Variants in PARD3 observed in about 807,000 individuals in gnomAD.
PARD3 encodes the protein partitioning defective 3 homolog.
PARD3 carries 75 observed loss-of-function variants against 155.4 expected under a neutral mutation model. The observed-to-expected ratio is 0.48, with a 90% CI of 0.40 to 0.58. The LOEUF is 0.58. PARD3 is among the 20% of genes least tolerant of loss of function. The pLI is 0.00. For missense variants in PARD3, 1,642 were observed against 1,721.7 expected, an observed-to-expected ratio of 0.95 and a Z score of 0.82; for synonymous variants, 576 against 610.5, an observed-to-expected ratio of 0.94 and a Z score of 0.83.
chr10:34,119,559 G>T lies in PARD3; in HGVS notation c.3668+54C>A, dbSNP rs996492980. On this transcript the variant is annotated intron_variant, in intron 24 of 24. Transcript: ENST00000374788. ...GGGAAGGAGCGCGTTCCTAAAGGGC[G>T]GGGGATCTTAAAGGGCCGGGGGGAT... is the stretch of plus-strand genomic sequence containing the variant. 3.9e-6 allele frequency: 6 copies of T among 1,529,074 alleles called. No homozygotes were observed. In the African/African-American group the frequency reaches 8.2e-5, roughly 21 times the overall value. 94.7% of individuals were successfully genotyped at this position (1,529,074 alleles called of 1,614,324 possible).
intron 22 of PARD3, among the ~76,000 whole-genome samples, chr10:34,220,705 G>C (rs1377108125): frequency 6.6e-6 from 1 of 152,192 alleles, no homozygotes; most frequent in Non-Finnish European, 1.5e-5. Context: ...TTAGGTCCTA[G>C]TTGGGAAGAT....
intron 22 of PARD3, among the ~76,000 whole-genome samples, chr10:34,152,357 C>G (rs1196471172): frequency 1.3e-5 from 2 of 152,206 alleles, no homozygotes; most frequent in Non-Finnish European, 2.9e-5. Flanking sequence ...TACTACCCAG[C>G]TAGGCTGTAT....
At chr10:34,529,980 C>T (rs1030257851) in intron 2 of PARD3, among the ~76,000 whole-genome samples, 1 of 152,162 alleles carries the variant, frequency 6.6e-6, no homozygotes, top group African/African-American at 2.4e-5. Context: ...AGTGATCCTC[C>T]TGCCTCAGCC....
intron 23 of PARD3, among the ~76,000 whole-genome samples, chr10:34,129,201 G>A (rs1947457000): frequency 6.6e-6 from 1 of 152,092 alleles, no homozygotes. Flanking sequence ...CGTCCAGGCT[G>A]GAGGGCAGTG....
intron 2 of PARD3, among the ~76,000 whole-genome samples, chr10:34,572,110 C>A (rs2086459455): frequency 6.6e-6 from 1 of 152,080 alleles, no homozygotes; most frequent in Non-Finnish European, 1.5e-5. Flanking sequence ...TCTACAAATT[C>A]TTTTGTATCT....
chr10:34,514,660 A>G (rs1266535068), intron 3 of PARD3, among the ~76,000 whole-genome samples: 1 of 152,226 alleles, frequency 6.6e-6, no homozygotes, highest in Admixed American at 6.5e-5. Context: ...GACAACACAT[A>G]TGCTTCAAAT....
chr10:34,199,886 G>A (rs868465533), intron 22 of PARD3, among the ~76,000 whole-genome samples: 3 of 152,120 alleles, frequency 2.0e-5, no homozygotes, highest in Middle Eastern at 3.4e-3. Flanking sequence ...TGTTACAACT[G>A]CCCGACCCCA....
chr10:34,557,134 G>T (rs141260990), intron 2 of PARD3, among the ~76,000 whole-genome samples: 3 of 152,228 alleles, frequency 2.0e-5, no homozygotes, highest in African/African-American at 7.2e-5. Context: ...TTGACTCCAT[G>T]ATCTCTTTTT....
At chr10:34,725,106 T>C (rs1309309752) in intron 1 of PARD3, among the ~76,000 whole-genome samples, 2 of 16,606 alleles carry the variant, frequency 1.2e-4, no homozygotes, top group Non-Finnish European at 2.0e-4. Context: ...GTCAAAACTT[T>C]GTGTGTGTGT....
At chr10:34,479,739 CCCA>C (rs2078953472) in intron 3 of PARD3, among the ~76,000 whole-genome samples, 1 of 152,074 alleles carries the variant, frequency 6.6e-6, no homozygotes, top group Non-Finnish European at 1.5e-5. Context: ...CTCCTCTCCA[CCCA>C]CTTCAGTGTG....
At chr10:34,553,336 C>T (rs1356070162) in intron 2 of PARD3, among the ~76,000 whole-genome samples, 2 of 152,116 alleles carry the variant, frequency 1.3e-5, no homozygotes, top group Non-Finnish European at 2.9e-5. Context: ...AGAAGCCACA[C>T]AAAAATATGT....
At chr10:34,259,140 T>C (rs2133792519) in intron 22 of PARD3, among the ~76,000 whole-genome samples, 2 of 152,078 alleles carry the variant, frequency 1.3e-5, no homozygotes, top group Middle Eastern at 3.4e-3. Context: ...GTTTCAGGAA[T>C]GCCACAGAGT....
chr10:34,636,757 G>A (rs921414456), intron 2 of PARD3, among the ~76,000 whole-genome samples: 8 of 152,188 alleles, frequency 5.3e-5, no homozygotes, highest in African/African-American at 1.2e-4. Flanking sequence ...GGGGCAGGGC[G>A]AGGAGGCCCA....
intron 5 of PARD3, among the ~76,000 whole-genome samples, chr10:34,442,535 T>C (rs946440931): frequency 6.6e-6 from 1 of 152,108 alleles, no homozygotes; most frequent in African/African-American, 2.4e-5. Context: ...GAGGCCAACC[T>C]GGGCAACATT....
At chr10:34,250,538 A>C (rs1159799662) in intron 22 of PARD3, among the ~76,000 whole-genome samples, 1 of 152,174 alleles carries the variant, frequency 6.6e-6, no homozygotes, top group Admixed American at 6.5e-5. Context: ...CAGAGACTTC[A>C]TTTTAGGAGA....
chr10:34,123,904 T>G (rs976110131), intron 23 of PARD3, among the ~76,000 whole-genome samples: 23 of 152,182 alleles, frequency 1.5e-4, no homozygotes, highest in Non-Finnish European at 3.2e-4. Flanking sequence ...TAATTAGAAC[T>G]AGGTAATACT....
At chr10:34,634,000 T>A (rs1282775090) in intron 2 of PARD3, among the ~76,000 whole-genome samples, 4 of 152,210 alleles carry the variant, frequency 2.6e-5, no homozygotes, top group African/African-American at 9.7e-5. Context: ...TTGACCTGTC[T>A]AGTTCCAGCC....
intron 2 of PARD3, among the ~76,000 whole-genome samples, chr10:34,561,829 A>T (rs2085502866): frequency 6.6e-6 from 1 of 151,446 alleles, no homozygotes; most frequent in Non-Finnish European, 1.5e-5. Flanking sequence ...TGTAACGCAC[A>T]TTTAAAACTA....
chr10:34,516,111 ACC>A (rs2081740285), intron 3 of PARD3, among the ~76,000 whole-genome samples: 2 of 151,876 alleles, frequency 1.3e-5, no homozygotes, highest in South Asian at 2.1e-4. Context: ...ATTACAGGCA[ACC>A]GCCACCACGC....
Sources: gnomAD v4.1 joint callset for allele counts (sites outside exome capture counted in the v4.1 genomes callset) on GRCh38, gnomAD v4.1.1 for gene constraint, MANE v1.5 for transcripts, NCBI Gene and HGNC (gene_info 2026-07-23, HGNC 2026-07-21) for gene names.